AVL9: variants seen among roughly 807,000 people sequenced by gnomAD.
AVL9 encodes the protein AVL9 cell migration associated, also known as late secretory pathway protein AVL9 homolog.
AVL9 carries 49 observed loss-of-function variants against 79.2 expected under a neutral mutation model. The ratio of observed to expected loss-of-function variants is 0.62; its 90% CI spans 0.49 to 0.79. The LOEUF (loss-of-function observed/expected upper bound fraction) is 0.79, where lower values mean the gene tolerates loss of function less well. Among genes scored for constraint, AVL9 ranks in the 30% least tolerant of loss-of-function variants. AVL9 has a pLI of 0.00. For synonymous variants in AVL9, 299 were observed against 280.6 expected (o/e 1.07, Z -0.65); for missense variants, 682 against 776.8 (o/e 0.88, Z 1.45).
intron 1 of AVL9, among the ~76,000 whole-genome samples, chr7:32,518,365 GAATA>G (rs1017762477): frequency 6.6e-6 from 1 of 152,036 alleles, no homozygotes; most frequent in African/African-American, 2.4e-5. Flanking sequence ...AAATGTAATG[GAATA>G]AATACTTATA....
intron 3 of AVL9, among the ~76,000 whole-genome samples, chr7:32,546,425 A>G (rs1254919735): frequency 2.0e-5 from 3 of 152,206 alleles, no homozygotes; most frequent in African/African-American, 2.4e-5. Flanking sequence ...ATGTTATGTC[A>G]TGAATAACTG....
intron 1 of AVL9, among the ~76,000 whole-genome samples, chr7:32,507,989 C>T (rs1445273510): frequency 6.6e-6 from 1 of 152,120 alleles, no homozygotes; most frequent in Non-Finnish European, 1.5e-5. Context: ...AGGCTGGACA[C>T]TTTTTTATAG....
intron 3 of AVL9, among the ~76,000 whole-genome samples, chr7:32,545,453 C>A (rs1436820022): frequency 6.9e-6 from 1 of 145,940 alleles, no homozygotes; most frequent in East Asian, 2.0e-4. Context: ...CTCACTGCAG[C>A]CTTGACCCTG....
At chr7:32,579,248 A>G (rs1158613379) in intron 13 of AVL9, among the ~76,000 whole-genome samples, 1 of 134,664 alleles carries the variant, frequency 7.4e-6, no homozygotes, top group Non-Finnish European at 1.5e-5. Context: ...TTTTTTTCCT[A>G]CTGCCTGTAT....
intron 1 of AVL9, among the ~76,000 whole-genome samples, chr7:32,498,612 T>C (rs1209700950): frequency 1.3e-5 from 2 of 152,044 alleles, no homozygotes; most frequent in Admixed American, 1.3e-4. Context: ...TTGATCTTTT[T>C]TTTTTTTTCA....
At chr7:32,552,737 G>T (rs956694727) in intron 6 of AVL9, among the ~76,000 whole-genome samples, 1 of 151,516 alleles carries the variant, frequency 6.6e-6, no homozygotes, top group African/African-American at 2.4e-5. Flanking sequence ...TTTGTTTTGG[G>T]TTTTTTTTGT....
intron 1 of AVL9, among the ~76,000 whole-genome samples, chr7:32,508,395 A>T (rs1416172876): frequency 6.6e-6 from 1 of 152,164 alleles, no homozygotes. Flanking sequence ...ATCCACATTA[A>T]GAGAGCAAAA....
intron 11 of AVL9, among the ~76,000 whole-genome samples, chr7:32,570,807 G>C (rs1790801733): frequency 6.6e-6 from 1 of 151,014 alleles, no homozygotes; most frequent in Admixed American, 6.6e-5. Context: ...TTTTAGTAGA[G>C]ATGGGGTTTC....
chr7:32,580,049 G>A (rs1459822102), intron 13 of AVL9, among the ~76,000 whole-genome samples, 170 bp from the exon 14 acceptor site: 4 of 152,204 alleles, frequency 2.6e-5, no homozygotes, highest in African/African-American at 4.8e-5. Context: ...TCTGGATGTC[G>A]TCACTGTAAG....
chr7:32,551,187 T>C lies in AVL9; in HGVS notation c.373-147T>C, dbSNP rs889247416. On this transcript the variant is annotated intron_variant, in intron 4 of 15. Coordinates refer to ENST00000318709, the MANE Select transcript of AVL9 (RefSeq NM_015060.3). ...CAGATGACTTCACGGCTTTCAACTA[T>C]GAATAATACGCACTAAAGTTGATAG... is the stretch of plus-strand genomic sequence containing the variant. 3 of 584,006 alleles carry C rather than the reference T, an allele frequency of 5.1e-6. No homozygotes were observed. In the African/African-American group the frequency reaches 5.6e-5, roughly 11 times the overall value. The allele number at this position is 584,006 out of a possible 1,614,324, so 36.2% of individuals were successfully genotyped here. A position where few individuals can be genotyped will look rare whatever the true frequency, so the allele number is the denominator to read the frequency against.
rs765400453 is a variant in AVL9 at position 32,584,010 on chromosome 7, T to C, written c.*103T>C. On this transcript the variant is annotated 3_prime_UTR_variant, in exon 16 of 16. Coordinates refer to ENST00000318709, the MANE Select transcript of AVL9 (RefSeq NM_015060.3). ...GCCACAGATCCACAGCAGGGGACCATATGTCGAACTGTTTACATGGATGTT... is the reference window on the plus strand; with the variant it reads ...GCCACAGATCCACAGCAGGGGACCACATGTCGAACTGTTTACATGGATGTT... 1.0e-5 allele frequency: 8 copies of C among 801,320 alleles called. No individual in the cohort carries two copies. The highest frequency in any genetic ancestry group is 1.8e-5 in the Non-Finnish European group (8 of 456,142). 49.6% of individuals were successfully genotyped at this position (801,320 alleles called of 1,614,324 possible). A position where few individuals can be genotyped will look rare whatever the true frequency, so the allele number is the denominator to read the frequency against.
Position 32,551,605 on chromosome 7 carries a change from CT to C in AVL9, c.462+201del, listed in dbSNP as rs60271681. Among the ~76,000 whole-genome samples the C allele has an allele frequency of 1.1e-3, 101 of 93,748 alleles. 1 individual carries two copies. Among genetic ancestry groups the C allele is most frequent in the African/African-American group, 2.7e-3 (62 of 22,874 alleles). The allele number at this position is 93,748 out of a possible 152,430, so 61.5% of individuals were successfully genotyped here. A position where few individuals can be genotyped will look rare whatever the true frequency, so the allele number is the denominator to read the frequency against. On this transcript the variant is annotated intron_variant, in intron 5 of 15. Coordinates refer to ENST00000318709, the MANE Select transcript of AVL9 (RefSeq NM_015060.3). ...TGCCCAAATACTAAATTTAACCAAA[CT>C]TTTTTTTTTTTTTTTTTTAGGAAAT...
At chr7:32,546,085 A>T (rs866265884) in intron 3 of AVL9, among the ~76,000 whole-genome samples, 9 of 30,958 alleles carry the variant, frequency 2.9e-4, no homozygotes, top group African/African-American at 7.5e-4. Context: ...TTTTTTTTTA[A>T]ATATCTGTAC....
chr7:32,531,559 G>A (rs533039031), intron 1 of AVL9: 12 of 152,040 alleles, frequency 7.9e-5, no homozygotes, highest in East Asian at 7.9e-4. Context: ...ACCCCTTTGC[G>A]GGACTCACAA....
chr7:32,502,121 T>C (rs1207927991), intron 1 of AVL9, among the ~76,000 whole-genome samples: 2 of 151,850 alleles, frequency 1.3e-5, no homozygotes, highest in Non-Finnish European at 2.9e-5. Flanking sequence ...CCCAGCACTT[T>C]GGGAGGCCAA....
At chr7:32,572,800 T>C (rs1258278360) in intron 11 of AVL9, among the ~76,000 whole-genome samples, 1 of 7,684 alleles carries the variant, frequency 1.3e-4, no homozygotes, top group Non-Finnish European at 2.6e-4. Context: ...AGACTCCGTC[T>C]CAAAAAAAAA....
intron 10 of AVL9, chr7:32,559,867 T>G (rs1187096401): frequency 6.3e-6 from 1 of 158,272 alleles, no homozygotes; most frequent in African/African-American, 2.4e-5. Context: ...CTCAGGAATT[T>G]TTTTGTTTCC....
chr7:32,582,148 A>T (rs530407466), intron 15 of AVL9, among the ~76,000 whole-genome samples: 30 of 152,364 alleles, frequency 2.0e-4, no homozygotes, highest in Non-Finnish European at 3.1e-4. Flanking sequence ...AAACCTGAAC[A>T]TTGCAACAGT....
At chr7:32,497,674 C>G (rs1484065457) in intron 1 of AVL9, among the ~76,000 whole-genome samples, 3 of 124,716 alleles carry the variant, frequency 2.4e-5, no homozygotes, top group African/African-American at 9.0e-5. Context: ...TTTTTTTCTT[C>G]AGATGGAATC....
Sources: allele counts gnomAD v4.1 joint callset (sites outside exome capture counted in the v4.1 genomes callset), GRCh38; gene constraint gnomAD v4.1.1; transcripts MANE v1.5; gene names NCBI Gene and HGNC (gene_info 2026-07-23, HGNC 2026-07-21).